The following C18orf32 variants were observed in gnomAD, a reference collection of about 807,000 sequenced individuals.
C18orf32 encodes UPF0729 protein C18orf32.
C18orf32 carries 5 observed loss-of-function variants against 7.4 expected under a neutral mutation model. That is an observed-to-expected ratio of 0.68 (90% CI 0.35 to 1.42). The LOEUF (loss-of-function observed/expected upper bound fraction) is 1.42. Ranked by LOEUF, C18orf32 falls within the 40% of genes most tolerant of loss-of-function variation. C18orf32 has a pLI of 0.04. For missense variants in C18orf32, 88 were observed against 92.4 expected (o/e 0.95, Z 0.19); for synonymous variants, 30 against 29.3 (o/e 1.02, Z -0.08).
At chr18:49,483,954 G>A (rs1054214142) in intron 1 of C18orf32, among the ~76,000 whole-genome samples, 183 bp from the exon 2 acceptor site, 8 of 151,534 alleles carry the variant, frequency 5.3e-5, no homozygotes, top group African/African-American at 1.2e-4. Flanking sequence ...AACAAAGTGA[G>A]ACCTTGTCTC....
intron 1 of C18orf32, among the ~76,000 whole-genome samples, chr18:49,483,984 C>A (rs2083700316): frequency 6.6e-6 from 1 of 151,438 alleles, no homozygotes; most frequent in Non-Finnish European, 1.5e-5. Flanking sequence ...AAAAAATTAG[C>A]TGGGCATGGT....
At chr18:49,482,737 C>CAAAAAAAAAAAAA (rs11454919) in intron 2 of C18orf32, among the ~76,000 whole-genome samples, 1 of 122,404 alleles carries the variant, frequency 8.2e-6, no homozygotes, top group Non-Finnish European at 1.7e-5. Context: ...AAAACAAAAA[C>CAAAAAAAAAAAAA]AAAAAAAAAA....
At position 49,484,626 on chromosome 18, in the gene C18orf32, T is replaced by G. The variant is rs1038573150; in HGVS notation, c.-23-855A>C. 2 of 152,062 alleles carry G rather than the reference T, an allele frequency of 1.3e-5. 1 individual carries two copies. Among genetic ancestry groups the G allele is most frequent in the South Asian group, 4.1e-4 (2 of 4,820 alleles). 9.4% of individuals were successfully genotyped at this position (152,062 alleles called of 1,614,324 possible). A position where few individuals can be genotyped will look rare whatever the true frequency, so the allele number is the denominator to read the frequency against. ...AATAGGTGGTAGGCATGAATAATAATGAGGTGCCTGCTTCCAAACTTCCAG... is the reference window on the plus strand; with the variant it reads ...AATAGGTGGTAGGCATGAATAATAAGGAGGTGCCTGCTTCCAAACTTCCAG... On this transcript the variant is annotated intron_variant, in intron 1 of 2. Transcript: ENST00000318240.
chr18:49,484,307 A>C (rs572389638), intron 1 of C18orf32, among the ~76,000 whole-genome samples: 2 of 152,162 alleles, frequency 1.3e-5, no homozygotes, highest in African/African-American at 4.8e-5. Context: ...AAGGTAAAGA[A>C]ATAGGCCAGG....
At chr18:49,484,510 C>G (rs1486980281) in intron 1 of C18orf32, 1 of 152,056 alleles carries the variant, frequency 6.6e-6, no homozygotes, top group Non-Finnish European at 1.5e-5. Context: ...ATTGCTTGAA[C>G]CCAGGAGGCA....
intron 1 of C18orf32, chr18:49,486,662 C>G (rs2083753381): frequency 6.6e-6 from 1 of 152,048 alleles, no homozygotes; most frequent in Admixed American, 6.6e-5. Context: ...GAGGAATCTT[C>G]TTTCACTCAA....
At chr18:49,483,795 A>C in intron 1 of C18orf32, 24 bp from the exon 2 acceptor site, 1 of 1,582,270 alleles carries the variant, frequency 6.3e-7, no homozygotes, top group Non-Finnish European at 8.5e-7. Flanking sequence ...TGAAGAAAAA[A>C]ATTAGTTCAT....
chr18:49,482,338 A>G lies in C18orf32; in HGVS notation c.*7T>C. On this transcript the variant is annotated 3_prime_UTR_variant, in exon 3 of 3. Coordinates refer to ENST00000318240, the MANE Select transcript of C18orf32 (RefSeq NM_001035005.4). ...TTTAAATGATGGGGTCCTTTAGGAAAATTTCTTTAGTCTTTCTTTTTATCA... is the reference window on the plus strand; with the variant it reads ...TTTAAATGATGGGGTCCTTTAGGAAGATTTCTTTAGTCTTTCTTTTTATCA... 1 of 1,606,898 alleles carries G rather than the reference A, an allele frequency of 6.2e-7. No individual in the cohort carries two copies. Among genetic ancestry groups the G allele is most frequent in the Non-Finnish European group, 8.5e-7 (1 of 1,173,964 alleles).
intron 1 of C18orf32, among the ~76,000 whole-genome samples, chr18:49,485,189 A>T (rs983814430): frequency 6.6e-6 from 1 of 152,260 alleles, no homozygotes; most frequent in African/African-American, 2.4e-5. Flanking sequence ...TTCACAATAC[A>T]GGTAAACGGT....
chr18:49,484,084 A>T (rs568525709), intron 1 of C18orf32, among the ~76,000 whole-genome samples: 9 of 147,290 alleles, frequency 6.1e-5, no homozygotes, highest in Non-Finnish European at 1.2e-4. Context: ...AGCCGTGTTC[A>T]TGCCACTGCT....
chr18:49,484,034 C>T (rs2083700868), intron 1 of C18orf32, among the ~76,000 whole-genome samples: 1 of 150,136 alleles, frequency 6.7e-6, no homozygotes, highest in African/African-American at 2.5e-5. Flanking sequence ...GTGGCTGGGA[C>T]AAGAGGATCA....
At chr18:49,485,381 C>G (rs562413890) in intron 1 of C18orf32, among the ~76,000 whole-genome samples, 6 of 152,144 alleles carry the variant, frequency 3.9e-5, no homozygotes, top group African/African-American at 1.4e-4. Flanking sequence ...TGGCAAAACC[C>G]TGTCTCTACT....
At position 49,481,805 on chromosome 18, in the gene C18orf32, A is replaced by G. The variant is rs2083664834; in HGVS notation, c.*540T>C. On this transcript the variant is annotated 3_prime_UTR_variant, in exon 3 of 3. Transcript: ENST00000318240. ...TCCCTATCTTTTTTTAATCTTCCTTAGAGCAATAAATAGTAATTACTATAT... is the reference window on the plus strand; with the variant it reads ...TCCCTATCTTTTTTTAATCTTCCTTGGAGCAATAAATAGTAATTACTATAT... 1 of 152,306 alleles carries G rather than the reference A, an allele frequency of 6.6e-6. No individual in the cohort carries two copies. The highest frequency in any genetic ancestry group is 6.5e-5 in the Admixed American group (1 of 15,268). 9.4% of individuals were successfully genotyped at this position (152,306 alleles called of 1,614,324 possible).
chr18:49,486,408 AG>A (rs1178551690), intron 1 of C18orf32: 1 of 152,178 alleles, frequency 6.6e-6, no homozygotes, highest in Non-Finnish European at 1.5e-5. Flanking sequence ...TAAACTCTCG[AG>A]GACAAATACT....
In C18orf32 at chr18:49,477,799, A is replaced by AAAAATATATATAT. The variant is rs760268884; in HGVS notation, c.*4545_*4546insATATATATATTTT. The AAAAATATATATAT allele has an allele frequency of 7.1e-6, 1 of 140,654 alleles. No individual in the cohort carries two copies. The highest frequency in any genetic ancestry group is 1.5e-5 in the Non-Finnish European group (1 of 66,774). 8.7% of individuals were successfully genotyped at this position (140,654 alleles called of 1,614,324 possible). A position where few individuals can be genotyped will look rare whatever the true frequency, so the allele number is the denominator to read the frequency against. ...TTCCAAAAACAAACAAACAAACAAA[A>AAAAATATATATAT]ATATATATATATACACACACTATAT... is the stretch of plus-strand genomic sequence containing the variant. On this transcript the variant is annotated 3_prime_UTR_variant, in exon 3 of 3. Coordinates refer to ENST00000318240, the MANE Select transcript of C18orf32 (RefSeq NM_001035005.4).
Position 49,483,761 on chromosome 18 carries a change from G to C in C18orf32, c.-13C>G, listed in dbSNP as rs1213524045. 1.2e-6 allele frequency: 2 copies of C among 1,604,694 alleles called. No individual in the cohort carries two copies. The highest frequency in any genetic ancestry group is 1.7e-6 in the Non-Finnish European group (2 of 1,178,046). ...GAATGCACACCATTTTCCCAAGCTT[G>C]AGCTCCTCAACTGTTGATATATGTG... is the stretch of plus-strand genomic sequence containing the variant. On this transcript the variant is annotated 5_prime_UTR_variant, in exon 2 of 3. Transcript: ENST00000318240.
Position 49,482,354 on chromosome 18 carries a change from C to T in C18orf32, c.222G>A (p.Lys74=). The change falls in exon 3 of 3, where the codon AAG becomes AAA. Residue 74 remains lysine, a synonymous_variant. Transcript: ENST00000318240. The part of the protein sequence containing the change: ...TKGPTEICDK[K]KD The stretch of plus-strand genomic sequence containing the variant: ...CTTTAGGAAAATTTCTTTAGTCTTT[C>T]TTTTTATCACAGATTTCTGTTGGTC... 1 of 1,611,734 alleles carries T rather than the reference C, an allele frequency of 6.2e-7. No individual in the cohort carries two copies.
rs1041952354 is a variant in C18orf32 at position 49,483,788 on chromosome 18, A to C, written c.-23-17T>G. The C allele has an allele frequency of 5.1e-6, 8 of 1,582,760 alleles. No individual in the cohort carries two copies. The highest frequency in any genetic ancestry group is 6.8e-6 in the Non-Finnish European group (8 of 1,172,256). On this transcript the variant is annotated splice_polypyrimidine_tract_variant and intron_variant, in intron 1 of 2. Transcript: ENST00000318240. ...GCTCCTCAACTGTTGATATATGTGAAGAAAAAAATTAGTTCATCACAGATT... is the reference window on the plus strand; with the variant it reads ...GCTCCTCAACTGTTGATATATGTGACGAAAAAAATTAGTTCATCACAGATT...
Position 49,479,210 on chromosome 18 carries a change from TA to T in C18orf32, c.*3134del, listed in dbSNP as rs1449209923. 1.3e-5 allele frequency: 2 copies of T among 152,136 alleles called. No individual in the cohort carries two copies. Among genetic ancestry groups the T allele is most frequent in the Admixed American group, 1.3e-4 (2 of 15,258 alleles). 9.4% of individuals were successfully genotyped at this position (152,136 alleles called of 1,614,324 possible). The stretch of plus-strand genomic sequence containing the variant: ...CCAAAATTATCCATACTCAACCTCC[TA>T]AAAGTATTGAATTAGAAAACTGCTG... On this transcript the variant is annotated 3_prime_UTR_variant, in exon 3 of 3. Transcript: ENST00000318240.
Sources: gnomAD v4.1 joint callset for allele counts (sites outside exome capture counted in the v4.1 genomes callset) on GRCh38, gnomAD v4.1.1 for gene constraint, MANE v1.5 for transcripts, NCBI Gene and HGNC (gene_info 2026-07-23, HGNC 2026-07-21) for gene names.